SUMF2: variants seen among roughly 807,000 people sequenced by gnomAD.
SUMF2 encodes sulfatase modifying factor 2, also known as inactive C-alpha-formylglycine-generating enzyme 2.
Under a neutral mutation model 44.8 loss-of-function variants are expected in SUMF2, and 45 were observed. That is an observed-to-expected ratio of 1.00 (90% CI 0.79 to 1.29). The LOEUF (loss-of-function observed/expected upper bound fraction) is 1.29, where lower values mean the gene tolerates loss of function less well. Ranked by LOEUF, SUMF2 falls within the 50% of genes most tolerant of loss-of-function variation. The pLI is 0.00. For missense variants in SUMF2, 418 were observed against 389.9 expected, an observed-to-expected ratio of 1.07 and a Z score of -0.61; for synonymous variants, 148 against 150.4, an observed-to-expected ratio of 0.98 and a Z score of 0.12.
At position 56,079,690 on chromosome 7, in the gene SUMF2, C is replaced by G; in HGVS notation, c.*78C>G. 1 of 1,613,738 alleles carries G rather than the reference C, an allele frequency of 6.2e-7. No individual in the cohort carries two copies. The highest frequency in any genetic ancestry group is 1.1e-5 in the South Asian group (1 of 91,066). The stretch of plus-strand genomic sequence containing the variant: ...GGCCATGTTGCAAACAGCGCAATTC[C>G]AAGCTCGAGAGCTTCAGCCTCAGGA... On this transcript the variant is annotated 3_prime_UTR_variant, in exon 9 of 9. Transcript: ENST00000434526.
chr7:56,078,472 A>G lies in SUMF2; in HGVS notation c.785A>G (p.Asp262Gly), dbSNP rs1272717438. 12 of 1,597,318 alleles carry G rather than the reference A, an allele frequency of 7.5e-6. No individual in the cohort carries two copies. The highest frequency in any genetic ancestry group is 9.4e-6 in the Non-Finnish European group (11 of 1,171,062). Residue 262 changes from aspartate to glycine, a missense_variant, in exon 8 of 9, where the codon GAT (aspartate) becomes GGT (glycine). Asp to Gly is a moderately conservative substitution (Grantham distance 94, BLOSUM62 -1). Coordinates refer to ENST00000434526, the MANE Select transcript of SUMF2 (RefSeq NM_015411.4). ...LRGASWIDTADGSANHRARVT... is the reference protein window; with the variant it reads ...LRGASWIDTAGGSANHRARVT... The stretch of plus-strand genomic sequence containing the variant: ...GGGGCATCCTGGATCGACACAGCTG[A>G]TGGCTCTGCCAATCACCGGGCCCGG...
chr7:56,074,115 C>A, intron 3 of SUMF2, 59 bp from the exon 4 acceptor site: 1 of 1,523,070 alleles, frequency 6.6e-7, no homozygotes, highest in South Asian at 1.1e-5. Flanking sequence ...GTGGCTCAGT[C>A]GGGGAGGTGC....
At chr7:56,086,287 CTA>C in the SUMF2 span, among the ~76,000 whole-genome samples, 12 of 152,020 alleles carry the variant, frequency 7.9e-5, no homozygotes, top group Non-Finnish European at 1.8e-4. Context: ...CCTATACTTA[CTA>C]TGTTTTTCCT....
At chr7:56,082,329 A>C, downstream of SUMF2, 57 of 1,146,904 alleles carry the variant, frequency 5.0e-5, no homozygotes, top group Middle Eastern at 2.1e-4. Context: ...GCAGTGGCTC[A>C]TTTCTATAAT....
At chr7:56,083,581 T>C, downstream of SUMF2, 1 of 1,499,048 alleles carries the variant, frequency 6.7e-7, no homozygotes, top group Non-Finnish European at 9.2e-7. Flanking sequence ...CTGCCTCCCC[T>C]GAGACCCCAG....
At chr7:56,075,182 T>C in intron 5 of SUMF2, among the ~76,000 whole-genome samples, 1 of 137,478 alleles carries the variant, frequency 7.3e-6, no homozygotes, top group Non-Finnish European at 1.6e-5. Context: ...GGAGGACCAG[T>C]GTTTTTTTTT....
intron 6 of SUMF2, among the ~76,000 whole-genome samples, chr7:56,077,779 G>C (rs1795662206): frequency 6.6e-6 from 1 of 152,164 alleles, no homozygotes; most frequent in African/African-American, 2.4e-5. Flanking sequence ...AGAGGATCCT[G>C]TCTTCTTGAG....
At chr7:56,087,718 C>T in the SUMF2 span, 76 of 1,613,862 alleles carry the variant, frequency 4.7e-5, no homozygotes, top group South Asian at 1.1e-4. Flanking sequence ...ATGACCTTCA[C>T]GGCGTACTCC....
Position 56,064,330 on chromosome 7 carries a change from C to A in SUMF2, c.19C>A (p.Pro7Thr). The A allele has an allele frequency of 6.3e-7, 1 of 1,599,506 alleles. No individual in the cohort carries two copies. Among genetic ancestry groups the A allele is most frequent in the Admixed American group, 1.7e-5 (1 of 57,582 alleles). ...AGTCCTGATGGCCCGGCATGGGTTA[C>A]CGCTGCTGCCCCTGCTGTCGCTCCT... MARHGL[P>T]LLPLLSLLVG... Residue 7 changes from proline to threonine, a missense_variant, in exon 1 of 9, where the codon CCG becomes ACG. By Grantham distance (38) the Pro-to-Thr change is conservative. Transcript: ENST00000434526.
At chr7:56,070,571 A>G (rs1298828645) in intron 2 of SUMF2, among the ~76,000 whole-genome samples, 5 of 151,908 alleles carry the variant, frequency 3.3e-5, no homozygotes, top group African/African-American at 1.2e-4. Flanking sequence ...TTGAGGCTGT[A>G]GTGAGCCATG....
chr7:56,066,082 CAAAAAAAAA>C (rs71015176), intron 1 of SUMF2, among the ~76,000 whole-genome samples: 188 of 69,700 alleles, frequency 2.7e-3, no homozygotes, highest in African/African-American at 8.8e-3. Context: ...CTCCGCCTCA[CAAAAAAAAA>C]AAAAAAAAAA....
chr7:56,071,821 TA>T (rs1380825297), intron 2 of SUMF2, among the ~76,000 whole-genome samples: 1 of 150,274 alleles, frequency 6.7e-6, no homozygotes. Context: ...AATAATTAAA[TA>T]AAAAATAATT....
rs2117446374 is a variant in SUMF2 at position 56,073,066 on chromosome 7, C to G, written c.294C>G (p.Asp98Glu). Residue 98 changes from aspartate (D) to glutamate (E), a missense_variant, in exon 3 of 9, where the codon GAC becomes GAG. Coordinates refer to ENST00000434526, the MANE Select transcript of SUMF2 (RefSeq NM_015411.4). Reference sequence around the variant, plus strand: ...TTGGATGGAGCTTTGTCTTTGAGGACTTTGTCTCTGATGAGCTGAGAAACA... The same window carrying G: ...TTGGATGGAGCTTTGTCTTTGAGGAGTTTGTCTCTGATGAGCTGAGAAACA... ...EMFGWSFVFE[D>E]FVSDELRNKA... 6.2e-7 allele frequency: 1 copy of G among 1,614,192 alleles called. No homozygotes were observed. Among genetic ancestry groups the G allele is most frequent in the Non-Finnish European group, 8.5e-7 (1 of 1,180,040 alleles).
downstream of SUMF2, chr7:56,082,047 C>A (rs765602938): frequency 6.2e-7 from 1 of 1,612,078 alleles, no homozygotes; most frequent in African/African-American, 1.3e-5. Flanking sequence ...AGTGCTCCAC[C>A]TGGACATGCG....
At chr7:56,086,176 CT>C in the SUMF2 span, among the ~76,000 whole-genome samples, 1 of 151,668 alleles carries the variant, frequency 6.6e-6, no homozygotes, top group Non-Finnish European at 1.5e-5. Flanking sequence ...TTGCTAACCC[CT>C]TGTTCTACTT....
intron 1 of SUMF2, 42 bp downstream of exon 1, chr7:56,064,420 G>T: frequency 6.4e-7 from 1 of 1,573,786 alleles, no homozygotes; most frequent in South Asian, 1.2e-5. Context: ...CTGGGAAGGG[G>T]ATGGGGCGCT....
At chr7:56,085,667 T>C, downstream of SUMF2, among the ~76,000 whole-genome samples, 1 of 152,102 alleles carries the variant, frequency 6.6e-6, no homozygotes, top group Non-Finnish European at 1.5e-5. Flanking sequence ...AGTGAGATCT[T>C]TTCAAAAGGA....
chr7:56,072,735 C>A lies in SUMF2; in HGVS notation c.225-262C>A, dbSNP rs1795258910. Among the ~76,000 whole-genome samples, 3 of 145,966 alleles carry A rather than the reference C, an allele frequency of 2.1e-5. No homozygotes were observed. The South Asian group carries it at 6.4e-4, about 31-fold the overall frequency. ...GAGACTCCATCTCTAAATAAATACA[C>A]AAATAAACAAACAAATAAAATAAAA... On this transcript the variant is annotated intron_variant, in intron 2 of 8. Coordinates refer to ENST00000434526, the MANE Select transcript of SUMF2 (RefSeq NM_015411.4).
downstream of SUMF2, chr7:56,084,322 C>T: frequency 1.2e-6 from 1 of 822,028 alleles, no homozygotes; most frequent in Non-Finnish European, 2.0e-6. Context: ...GACTATGAAC[C>T]ACTGGCCCAG....
Sources: gnomAD v4.1 joint callset for allele counts (sites outside exome capture counted in the v4.1 genomes callset) on GRCh38, gnomAD v4.1.1 for gene constraint, MANE v1.5 for transcripts, NCBI Gene and HGNC (gene_info 2026-07-23, HGNC 2026-07-21) for gene names.